The following DEPDC1B variants were observed in gnomAD, a reference collection of about 807,000 sequenced individuals.
The protein encoded by DEPDC1B is DEP domain containing 1B.
Under a neutral mutation model 66.5 loss-of-function variants are expected in DEPDC1B, and 51 were observed. The observed-to-expected ratio is 0.77, with a 90% CI of 0.61 to 0.97. DEPDC1B has a LOEUF of 0.97. DEPDC1B is among the 50% of genes least tolerant of loss of function. DEPDC1B has a pLI of 0.00. For missense variants in DEPDC1B, 552 were observed against 637.1 expected (o/e 0.87, Z 1.44); for synonymous variants, 226 against 223.6 (o/e 1.01, Z -0.10).
chr5:60,687,254 T>A lies in DEPDC1B; in HGVS notation c.49-27A>T. 1.9e-6 allele frequency: 3 copies of A among 1,580,744 alleles called. No homozygotes were observed. The South Asian group carries it at 3.4e-5, about 18-fold the overall frequency. Reference sequence around the variant, plus strand: ...TAGGGGAAAGAAAGAGAATGGCATTTAGTAATCAACTGATTTTTTTAAGAT... The same window carrying A: ...TAGGGGAAAGAAAGAGAATGGCATTAAGTAATCAACTGATTTTTTTAAGAT... On this transcript the variant is annotated intron_variant, in intron 1 of 10. Transcript: ENST00000265036.
rs940742867 is a variant in DEPDC1B at position 60,597,081 on chromosome 5, G to A, written c.*672C>T. 5 of 152,566 alleles carry A rather than the reference G, an allele frequency of 3.3e-5. No homozygotes were observed. The highest frequency in any genetic ancestry group is 1.2e-4 in the African/African-American group (5 of 41,428). The allele number at this position is 152,566 out of a possible 1,614,324, so 9.5% of individuals were successfully genotyped here. A position where few individuals can be genotyped will look rare whatever the true frequency, so the allele number is the denominator to read the frequency against. ...TATCCAGTTCAACTTTCCATTTTTA[G>A]CTAAGACTGAAATTATACCATTGCA... On this transcript the variant is annotated 3_prime_UTR_variant, in exon 11 of 11. Transcript: ENST00000265036.
chr5:60,662,269 T>A (rs1355011806), intron 2 of DEPDC1B, among the ~76,000 whole-genome samples: 1 of 151,938 alleles, frequency 6.6e-6, no homozygotes, highest in Admixed American at 6.6e-5. Flanking sequence ...GCGCCTATAG[T>A]CCCAGCTACT....
rs750914260 is a variant in DEPDC1B, at chr5:60,652,417, T to C, written c.315-4884A>G. On this transcript the variant is annotated intron_variant, in intron 2 of 10. Transcript: ENST00000265036. Reference sequence around the variant, plus strand: ...AGAGTCCAGTCACAGCCTCAGATGATTGGCTTAAGATGATAAAGCAATGAG... The same window carrying C: ...AGAGTCCAGTCACAGCCTCAGATGACTGGCTTAAGATGATAAAGCAATGAG... Among the ~76,000 whole-genome samples the C allele has an allele frequency of 1.2e-4, 18 of 148,882 alleles. 3 individuals carry two copies. In the East Asian group the frequency reaches 3.5e-3, roughly 29 times the overall value.
At chr5:60,675,537 A>G (rs958860483) in intron 2 of DEPDC1B, among the ~76,000 whole-genome samples, 3 of 152,256 alleles carry the variant, frequency 2.0e-5, no homozygotes, top group African/African-American at 7.2e-5. Flanking sequence ...AAGCCTCTGT[A>G]AGCAGATGCT....
intron 9 of DEPDC1B, among the ~76,000 whole-genome samples, chr5:60,602,193 GAA>G (rs1752214009): frequency 7.1e-6 from 1 of 140,080 alleles, no homozygotes; most frequent in African/African-American, 2.6e-5. Context: ...GGTGGGGAGG[GAA>G]GAGAGAGGGA....
intron 2 of DEPDC1B, among the ~76,000 whole-genome samples, chr5:60,658,144 T>C (rs1295164020): frequency 2.0e-5 from 3 of 152,198 alleles, no homozygotes; most frequent in Non-Finnish European, 4.4e-5. Flanking sequence ...CCAGAAGTTG[T>C]GATTGTTTTT....
chr5:60,597,974 G>T, intron 10 of DEPDC1B, 60 bp from the exon 11 acceptor site: 1 of 1,444,024 alleles, frequency 6.9e-7, no homozygotes, highest in South Asian at 1.5e-5. Flanking sequence ...AATAAAATTT[G>T]GCAGCCAAAT....
rs893812474 is a variant in DEPDC1B, at chr5:60,670,156, G to A, written c.314+16806C>T. Among the ~76,000 whole-genome samples, 9 of 152,148 alleles carry A rather than the reference G, an allele frequency of 5.9e-5. No homozygotes were observed. The East Asian group carries it at 7.7e-4, about 13-fold the overall frequency. On this transcript the variant is annotated intron_variant, in intron 2 of 10. Transcript: ENST00000265036. ...TCCCAGCACTTTGGGAAGCCCAGGCGGGCAGATCGCGAGGTCAGGAGATCA... is the reference window on the plus strand; with the variant it reads ...TCCCAGCACTTTGGGAAGCCCAGGCAGGCAGATCGCGAGGTCAGGAGATCA...
At chr5:60,615,791 G>C (rs1752537812) in intron 7 of DEPDC1B, among the ~76,000 whole-genome samples, 1 of 152,210 alleles carries the variant, frequency 6.6e-6, no homozygotes, top group South Asian at 2.1e-4. Context: ...CTTGAAGAGA[G>C]TAGTGGTTCT....
chr5:60,599,022 A>AC (rs397806306), intron 10 of DEPDC1B, 53 bp downstream of exon 10: 4 of 1,448,230 alleles, frequency 2.8e-6, no homozygotes, highest in East Asian at 2.4e-5. Context: ...AAAAAAAAAA[A>AC]CATAAAAACA....
In DEPDC1B at chr5:60,662,949, C is replaced by T. The variant is rs573823488; in HGVS notation, c.315-15416G>A. ...ACTGTCCTCCAGATCTGTCACTATC[C>T]GAGGAGTCCTAGAACAGGCAGTCAC... On this transcript the variant is annotated intron_variant, in intron 2 of 10. Coordinates refer to ENST00000265036, the MANE Select transcript of DEPDC1B (RefSeq NM_018369.3). Among the ~76,000 whole-genome samples, 8 of 152,230 alleles carry T rather than the reference C, an allele frequency of 5.3e-5. No homozygotes were observed. The South Asian group carries it at 6.2e-4, about 12-fold the overall frequency.
chr5:60,653,516 C>T (rs991387732), intron 2 of DEPDC1B, among the ~76,000 whole-genome samples: 1 of 152,070 alleles, frequency 6.6e-6, no homozygotes. Flanking sequence ...TTGTCAGGTG[C>T]GTACTTTGTG....
intron 2 of DEPDC1B, among the ~76,000 whole-genome samples, chr5:60,662,589 G>A (rs1753744770): frequency 6.6e-6 from 1 of 152,192 alleles, no homozygotes; most frequent in Non-Finnish European, 1.5e-5. Context: ...GAAAGGTTGA[G>A]CAAATCGAAT....
chr5:60,618,859 C>T (rs1381936315), intron 7 of DEPDC1B, among the ~76,000 whole-genome samples: 1 of 152,188 alleles, frequency 6.6e-6, no homozygotes, highest in Non-Finnish European at 1.5e-5. Context: ...ACACTAATAT[C>T]CCTGATGTAC....
At chr5:60,659,121 G>A (rs1052135154) in intron 2 of DEPDC1B, among the ~76,000 whole-genome samples, 1 of 152,214 alleles carries the variant, frequency 6.6e-6, no homozygotes, top group African/African-American at 2.4e-5. Flanking sequence ...ACCACTCATC[G>A]CATGGCCCAA....
At chr5:60,692,279 A>C (rs1754562852) in intron 1 of DEPDC1B, among the ~76,000 whole-genome samples, 1 of 152,206 alleles carries the variant, frequency 6.6e-6, no homozygotes, top group Admixed American at 6.5e-5. Context: ...ATCATGGTGA[A>C]GATATTAATA....
Position 60,653,719 on chromosome 5 carries a change from G to T in DEPDC1B, c.315-6186C>A, listed in dbSNP as rs914997913. Among the ~76,000 whole-genome samples the T allele has an allele frequency of 5.3e-5, 8 of 151,794 alleles. No individual in the cohort carries two copies. The East Asian group carries it at 1.6e-3, about 29-fold the overall frequency. ...TCTAGAAGGGTTTTTCTGATGTTCT[G>T]CGATTTTTATGATTTCAGGTCTTAT... On this transcript the variant is annotated intron_variant, in intron 2 of 10. Transcript: ENST00000265036.
chr5:60,618,917 G>C (rs1469587483), intron 7 of DEPDC1B, among the ~76,000 whole-genome samples: 1 of 152,172 alleles, frequency 6.6e-6, no homozygotes, highest in Non-Finnish European at 1.5e-5. Flanking sequence ...GAATCCAGCA[G>C]CACATCAAAA....
chr5:60,600,207 C>T (rs1443764228), intron 9 of DEPDC1B, among the ~76,000 whole-genome samples: 3 of 152,122 alleles, frequency 2.0e-5, no homozygotes, highest in African/African-American at 4.8e-5. Context: ...CATTTCCTAA[C>T]ATCTTACCCA....
Sources: allele counts gnomAD v4.1 joint callset (sites outside exome capture counted in the v4.1 genomes callset), GRCh38; gene constraint gnomAD v4.1.1; transcripts MANE v1.5; gene names NCBI Gene and HGNC (gene_info 2026-07-23, HGNC 2026-07-21).